Variants in NTAQ1 observed in about 807,000 individuals in gnomAD.
The protein encoded by NTAQ1 is N-terminal glutamine amidase 1.
A neutral mutation model predicts 28.2 loss-of-function variants in NTAQ1; 21 were observed. The observed-to-expected ratio is 0.74, with a 90% confidence interval of 0.53 to 1.07. NTAQ1 has a LOEUF of 1.07. Among genes scored for constraint, NTAQ1 ranks in the 50% least tolerant of loss-of-function variants. The pLI, the probability that NTAQ1 is intolerant of heterozygous loss-of-function variation, is 0.00. For synonymous variants in NTAQ1, 105 were observed against 90.0 expected, an observed-to-expected ratio of 1.17 and a Z score of -0.94; for missense variants, 264 against 256.6, an observed-to-expected ratio of 1.03 and a Z score of -0.20.
At chr8:123,455,259 C>T (rs1815614273) in intron 6 of NTAQ1, among the ~76,000 whole-genome samples, 1 of 152,020 alleles carries the variant, frequency 6.6e-6, no homozygotes, top group Non-Finnish European at 1.5e-5. Flanking sequence ...TCCCTGCCGC[C>T]ATGGCTGCTT....
In NTAQ1 at chr8:123,441,622, A is replaced by G. The variant is rs1206207229; in HGVS notation, c.*207A>G. The G allele has an allele frequency of 6.4e-5, 37 of 580,462 alleles. No homozygotes were observed. In the South Asian group the frequency reaches 8.0e-4, roughly 13 times the overall value. 36.0% of individuals were successfully genotyped at this position (580,462 alleles called of 1,614,324 possible). A position where few individuals can be genotyped will look rare whatever the true frequency, so the allele number is the denominator to read the frequency against. ...GACATGTCAAATTGAAACTTGATAA[A>G]GTGCGTACTTGCTAAGATATTCCTG... On this transcript the variant is annotated 3_prime_UTR_variant, in exon 6 of 6. Coordinates refer to ENST00000287387, the MANE Select transcript of NTAQ1 (RefSeq NM_018024.3).
At chr8:123,428,864 TGTG>T (rs747681020) in intron 2 of NTAQ1, among the ~76,000 whole-genome samples, 29 of 152,290 alleles carry the variant, frequency 1.9e-4, no homozygotes, top group Non-Finnish European at 3.8e-4. Flanking sequence ...GGCCTCCCAA[TGTG>T]GTGGGATTAC....
At chr8:123,459,432 A>G (rs1052782418) in intron 6 of NTAQ1, among the ~76,000 whole-genome samples, 14 of 152,132 alleles carry the variant, frequency 9.2e-5, no homozygotes, top group African/African-American at 3.1e-4. Flanking sequence ...GGTAGGCATG[A>G]TGGAAGATTA....
downstream of NTAQ1, chr8:123,442,315 A>G (rs1181401288): frequency 6.6e-6 from 1 of 152,118 alleles, no homozygotes. Flanking sequence ...TTAAGAAACT[A>G]TCAGCTGGGC....
intron 6 of NTAQ1, among the ~76,000 whole-genome samples, chr8:123,464,420 C>T (rs934216562): frequency 4.6e-5 from 7 of 152,100 alleles, no homozygotes; most frequent in African/African-American, 1.7e-4. Context: ...GTTGCCTAAC[C>T]CTGGATGCCC....
intron 6 of NTAQ1, among the ~76,000 whole-genome samples, chr8:123,459,837 C>T (rs1235552909): frequency 7.5e-6 from 1 of 133,542 alleles, no homozygotes; most frequent in Non-Finnish European, 1.5e-5. Flanking sequence ...GAGTTTCACT[C>T]ATTGCCCAGG....
At chr8:123,451,712 T>A (rs34373558), downstream of NTAQ1, among the ~76,000 whole-genome samples, 8,353 of 152,238 alleles carry the variant, frequency 0.055, 328 homozygotes, top group Non-Finnish European at 0.081. Context: ...TAATACAGTG[T>A]CTTGGTATCT....
intron 5 of NTAQ1, 141 bp from the exon 6 acceptor site, chr8:123,441,165 A>G (rs1815044341): frequency 1.6e-6 from 1 of 638,038 alleles, no homozygotes; most frequent in Non-Finnish European, 2.7e-6. Flanking sequence ...TATACATTCA[A>G]GGCCAGAAAA....
intron 6 of NTAQ1, among the ~76,000 whole-genome samples, chr8:123,458,595 T>C (rs1815723471): frequency 6.6e-6 from 1 of 151,336 alleles, no homozygotes; most frequent in African/African-American, 2.4e-5. Flanking sequence ...AGCAGATGTG[T>C]GAGACAGGAA....
chr8:123,440,099 ATACTGAGAT>A (rs1814960911), intron 5 of NTAQ1, among the ~76,000 whole-genome samples: 1 of 148,444 alleles, frequency 6.7e-6, no homozygotes, highest in African/African-American at 2.5e-5. Flanking sequence ...GCCTCCCAAA[ATACTGAGAT>A]TATAGGCATG....
intron 4 of NTAQ1, 111 bp downstream of exon 4, chr8:123,436,712 A>AACTCAATGGTGATG: frequency 8.9e-7 from 1 of 1,129,422 alleles, no homozygotes; most frequent in Non-Finnish European, 1.2e-6. Context: ...GTCTGACATC[A>AACTCAATGGTGATG]CCATTGAGTT....
intron 1 of NTAQ1, among the ~76,000 whole-genome samples, chr8:123,423,887 T>C (rs555044186): frequency 2.0e-5 from 3 of 151,558 alleles, no homozygotes; most frequent in African/African-American, 7.2e-5. Context: ...TTATTATTAT[T>C]ATTTTTAATT....
At chr8:123,463,657 A>G (rs945455333) in intron 6 of NTAQ1, among the ~76,000 whole-genome samples, 4 of 152,168 alleles carry the variant, frequency 2.6e-5, no homozygotes, top group African/African-American at 9.7e-5. Context: ...TTCCTCGTAA[A>G]AGGCTCTTGA....
intron 6 of NTAQ1, among the ~76,000 whole-genome samples, chr8:123,459,257 AAGATGT>A (rs1393940798): frequency 6.6e-6 from 1 of 151,966 alleles, no homozygotes; most frequent in Non-Finnish European, 1.5e-5. Flanking sequence ...AAAAAAAAAA[AAGATGT>A]AGATGAACAG....
chr8:123,469,274 T>A (rs1472224265), exon 7 of NTAQ1, among the ~76,000 whole-genome samples: 1 of 152,230 alleles, frequency 6.6e-6, no homozygotes, highest in Admixed American at 6.5e-5. Flanking sequence ...GCATTTAGTG[T>A]CATACCAAGA....
intron 6 of NTAQ1, among the ~76,000 whole-genome samples, chr8:123,465,741 C>G (rs1269298702): frequency 6.6e-6 from 1 of 151,870 alleles, no homozygotes; most frequent in Non-Finnish European, 1.5e-5. Context: ...GCCACCATGC[C>G]AGGCTAATTT....
At chr8:123,445,556 T>C (rs532840239), downstream of NTAQ1, among the ~76,000 whole-genome samples, 2 of 152,332 alleles carry the variant, frequency 1.3e-5, no homozygotes, top group South Asian at 4.1e-4. Context: ...ATAAATGTTT[T>C]TGTTTATGTG....
intron 1 of NTAQ1, among the ~76,000 whole-genome samples, chr8:123,423,751 T>C (rs971928311): frequency 6.6e-6 from 1 of 152,178 alleles, no homozygotes; most frequent in Non-Finnish European, 1.5e-5. Flanking sequence ...AGTTTACATT[T>C]TTTTCTGTGT....
chr8:123,430,417 G>A (rs1388656865), intron 3 of NTAQ1, among the ~76,000 whole-genome samples: 1 of 152,136 alleles, frequency 6.6e-6, no homozygotes, highest in Non-Finnish European at 1.5e-5. Context: ...CAAGGTGGAC[G>A]GATCACTTGA....
Sources: allele counts gnomAD v4.1 joint callset (sites outside exome capture counted in the v4.1 genomes callset), GRCh38; gene constraint gnomAD v4.1.1; transcripts MANE v1.5; gene names NCBI Gene and HGNC (gene_info 2026-07-23, HGNC 2026-07-21).